Variants in ACSM4 observed in about 807,000 individuals in gnomAD.
The protein encoded by ACSM4 is acyl-CoA synthetase medium chain family member 4, also known as acyl-coenzyme A synthetase ACSM4, mitochondrial.
In ACSM4, 66 loss-of-function variants were observed where a neutral mutation model predicts 73.0. The ratio of observed to expected loss-of-function variants is 0.90; its 90% confidence interval spans 0.74 to 1.11. ACSM4 has a LOEUF of 1.11. ACSM4 is among the 50% of genes least tolerant of loss of function. The pLI, the probability that ACSM4 is intolerant of heterozygous loss-of-function variation, is 0.00. For missense variants in ACSM4, 645 were observed against 714.4 expected (o/e 0.90, Z 1.11); for synonymous variants, 222 against 254.0 (o/e 0.87, Z 1.20).
intron 1 of ACSM4, among the ~76,000 whole-genome samples, chr12:7,306,093 A>C (rs1946360026): frequency 6.6e-6 from 1 of 152,210 alleles, no homozygotes; most frequent in Non-Finnish European, 1.5e-5. Flanking sequence ...TTAAGCAAGA[A>C]AGAAATTTAT....
At chr12:7,323,335 A>G in intron 8 of ACSM4, 21 bp downstream of exon 8, 3 of 1,604,564 alleles carry the variant, frequency 1.9e-6, no homozygotes, top group Non-Finnish European at 2.6e-6. Flanking sequence ...AAAATATCTG[A>G]CTGGTTCAGT....
chr12:7,317,280 G>T lies in ACSM4; in HGVS notation c.764G>T (p.Arg255Met), dbSNP rs372274193. The change falls in exon 4 of 13, where the codon AGG becomes ATG. Residue 255 changes from arginine (R) to methionine (M), a missense_variant and splice_region_variant. Transcript: ENST00000399422. ...GGCATTGGGTTCACCCTCTGCGGAA[G>T]GTAGGGAAGAAAATTCAGTTTGTTT... is the stretch of plus-strand genomic sequence containing the variant. ...SLGIGFTLCG[R>M]YWLDLKSSDI... 4 of 1,554,644 alleles carry T rather than the reference G, an allele frequency of 2.6e-6. No homozygotes were observed. The South Asian group carries it at 3.6e-5, about 14-fold the overall frequency.
chr12:7,328,172 T>G, intron 12 of ACSM4, 115 bp from the exon 13 acceptor site: 1 of 734,378 alleles, frequency 1.4e-6, no homozygotes, highest in Non-Finnish European at 2.2e-6. Flanking sequence ...GAGCTTAGGC[T>G]AAGATAATCT....
At chr12:7,325,726 G>C (rs1309326571) in intron 11 of ACSM4, among the ~76,000 whole-genome samples, 1 of 152,178 alleles carries the variant, frequency 6.6e-6, no homozygotes, top group Non-Finnish European at 1.5e-5. Context: ...TCTAAGGAAA[G>C]GGAACTCTGG....
At chr12:7,328,231 C>T (rs1045370749) in intron 12 of ACSM4, 56 bp from the exon 13 acceptor site, 20 of 1,360,218 alleles carry the variant, frequency 1.5e-5, no homozygotes, top group African/African-American at 1.5e-4. Context: ...TCCTATCGCA[C>T]GGACAATTGG....
intron 11 of ACSM4, among the ~76,000 whole-genome samples, chr12:7,325,180 T>C (rs759196427): frequency 9.2e-5 from 14 of 152,318 alleles, no homozygotes; most frequent in African/African-American, 2.6e-4. Flanking sequence ...CGTCTATCCT[T>C]GGAAGTAGGT....
chr12:7,323,631 G>T (rs955824576), intron 9 of ACSM4, 71 bp downstream of exon 9: 2 of 1,376,760 alleles, frequency 1.5e-6, no homozygotes, highest in Non-Finnish European at 1.0e-6. Context: ...ACCGTGTCTT[G>T]CTATGTAATC....
In ACSM4 at chr12:7,320,681, T is replaced by C. The variant is rs1205988789; in HGVS notation, c.922-44T>C. The C allele has an allele frequency of 8.4e-6, 13 of 1,541,812 alleles. No homozygotes were observed. The South Asian group carries it at 1.5e-4, about 17-fold the overall frequency. On this transcript the variant is annotated intron_variant, in intron 5 of 12. Coordinates refer to ENST00000399422, the MANE Select transcript of ACSM4 (RefSeq NM_001080454.2). ...TAGATATCAGCTCTAGTCATGGCCTTTGAATGACCACTTCTGACATCTGTG... is the reference window on the plus strand; with the variant it reads ...TAGATATCAGCTCTAGTCATGGCCTCTGAATGACCACTTCTGACATCTGTG...
chr12:7,305,251 T>C (rs1326792397), intron 1 of ACSM4, among the ~76,000 whole-genome samples: 2 of 152,226 alleles, frequency 1.3e-5, no homozygotes, highest in African/African-American at 4.8e-5. Context: ...TAGATAAAAT[T>C]TAATGGCATA....
At chr12:7,309,263 G>A (rs1014176428) in intron 2 of ACSM4, among the ~76,000 whole-genome samples, 1 of 152,176 alleles carries the variant, frequency 6.6e-6, no homozygotes, top group African/African-American at 2.4e-5. Flanking sequence ...CAGACCACTG[G>A]AATCCATAGA....
In ACSM4 at chr12:7,324,275, C is replaced by A. The variant is rs770183521; in HGVS notation, c.1311C>A (p.Asp437Glu). Residue 437 changes from aspartate to glutamate, a missense_variant and splice_region_variant, in exon 10 of 13, where the codon GAC becomes GAA. Coordinates refer to ENST00000399422, the MANE Select transcript of ACSM4 (RefSeq NM_001080454.2). ...CAAATGTCATCCTTGGTTCCCAGGA[C>A]AATCCACAGAAAACTGCTGCCACGA... is the stretch of plus-strand genomic sequence containing the variant. ...RPFCFFSKYV[D>E]NPQKTAATIR... 1.2e-5 allele frequency: 20 copies of A among 1,611,750 alleles called. No homozygotes were observed. The highest frequency in any genetic ancestry group is 1.7e-5 in the Non-Finnish European group (20 of 1,179,368).
Position 7,304,354 on chromosome 12 carries a change from A to G in ACSM4, c.23A>G (p.Gln8Arg). Residue 8 changes from glutamine to arginine, a missense_variant, in exon 1 of 13, where the codon CAG becomes CGG. Physicochemically the swap from Gln to Arg is conservative, Grantham distance 43. Transcript: ENST00000399422. MKIFFRY[Q>R]TFRFIWLTKP... Reference sequence around the variant, plus strand: ...ACCATGAAGATTTTTTTCCGCTACCAGACATTTAGATTCATCTGGCTCACC... The same window carrying G: ...ACCATGAAGATTTTTTTCCGCTACCGGACATTTAGATTCATCTGGCTCACC... 6.2e-7 allele frequency: 1 copy of G among 1,613,936 alleles called. No homozygotes were observed. The highest frequency in any genetic ancestry group is 8.5e-7 in the Non-Finnish European group (1 of 1,179,834).
intron 1 of ACSM4, among the ~76,000 whole-genome samples, 188 bp downstream of exon 1, chr12:7,304,720 G>A (rs1441842039): frequency 6.6e-6 from 1 of 152,138 alleles, no homozygotes; most frequent in African/African-American, 2.4e-5. Context: ...CAAATGGCTG[G>A]GCGGCTCTGG....
intron 9 of ACSM4, 30 bp downstream of exon 9, chr12:7,323,590 T>A: frequency 6.3e-7 from 1 of 1,575,876 alleles, no homozygotes; most frequent in Non-Finnish European, 8.7e-7. Context: ...TGGTCATGCT[T>A]AATACAGACT....
In ACSM4 at chr12:7,320,713, TC is replaced by T; in HGVS notation, c.922-10del. 1 of 1,608,882 alleles carries T rather than the reference TC, an allele frequency of 6.2e-7. No homozygotes were observed. Among genetic ancestry groups the T allele is most frequent in the Non-Finnish European group, 8.5e-7 (1 of 1,175,516 alleles). On this transcript the variant is annotated splice_polypyrimidine_tract_variant and intron_variant, in intron 5 of 12. Coordinates refer to ENST00000399422, the MANE Select transcript of ACSM4 (RefSeq NM_001080454.2). ...ACCACTTCTGACATCTGTGTCTTTC[TC>T]CATCATCCAGACACTTACTACTTAT...
rs1295853709 is a variant in ACSM4, at chr12:7,310,727, A to T, written c.601A>T (p.Ser201Cys). The change falls in exon 3 of 13, where the codon AGC (serine) becomes TGC (cysteine). Residue 201 changes from serine (S) to cysteine (C), a missense_variant. Ser to Cys is a moderately radical substitution (Grantham distance 112). Coordinates refer to ENST00000399422, the MANE Select transcript of ACSM4 (RefSeq NM_001080454.2). Reference protein sequence around the residue: ...VSPQSWNGWLSFQELFQFASE... With the variant: ...VSPQSWNGWLCFQELFQFASE... ...TCCACAAAGCTGGAATGGGTGGCTC[A>T]GCTTCCAGGAGTTATTTCAGTGAGT... The T allele has an allele frequency of 6.2e-7, 1 of 1,612,990 alleles. No individual in the cohort carries two copies. Among genetic ancestry groups the T allele is most frequent in the East Asian group, 2.2e-5 (1 of 44,802 alleles).
At chr12:7,312,785 A>G (rs1021231493) in intron 3 of ACSM4, among the ~76,000 whole-genome samples, 3 of 152,224 alleles carry the variant, frequency 2.0e-5, no homozygotes, top group Admixed American at 1.3e-4. Flanking sequence ...TAATTACTCC[A>G]TAAATATCTA....
intron 3 of ACSM4, 142 bp from the exon 4 acceptor site, chr12:7,316,995 C>G: frequency 9.6e-7 from 1 of 1,045,208 alleles, no homozygotes; most frequent in Non-Finnish European, 1.3e-6. Context: ...TGAGGAATTC[C>G]TCTCAGGAAA....
chr12:7,317,997 CT>C, intron 4 of ACSM4, 28 bp from the exon 5 acceptor site: 1 of 1,601,820 alleles, frequency 6.2e-7, no homozygotes, highest in African/African-American at 1.3e-5. Flanking sequence ...TATTTTTGGT[CT>C]GTTTTGTTGC....
Sources: allele counts gnomAD v4.1 joint callset (sites outside exome capture counted in the v4.1 genomes callset), GRCh38; gene constraint gnomAD v4.1.1; transcripts MANE v1.5; gene names NCBI Gene and HGNC (gene_info 2026-07-23, HGNC 2026-07-21).